Variants in ATXN7L1 observed in about 807,000 individuals in gnomAD.
ATXN7L1 encodes ataxin 7 like 1.
ATXN7L1 carries 15 observed loss-of-function variants against 70.8 expected under a neutral mutation model. The observed-to-expected ratio is 0.21, with a 90% CI of 0.14 to 0.33. ATXN7L1 has a LOEUF of 0.33. ATXN7L1 is among the 10% of genes least tolerant of loss of function. ATXN7L1 has a pLI of 1.00. For missense variants in ATXN7L1, 975 were observed against 1,097.1 expected, an observed-to-expected ratio of 0.89 and a Z score of 1.57; for synonymous variants, 440 against 445.1, an observed-to-expected ratio of 0.99 and a Z score of 0.14.
At chr7:105,865,432 C>T (rs867801924) in intron 2 of ATXN7L1, among the ~76,000 whole-genome samples, 5 of 150,686 alleles carry the variant, frequency 3.3e-5, no homozygotes, top group African/African-American at 4.9e-5. Flanking sequence ...GACAGAGTCT[C>T]GCTGTGTTGC....
At chr7:105,664,563 A>ATGTGTGTGTGTGTGTG (rs201514886) in intron 4 of ATXN7L1, among the ~76,000 whole-genome samples, 5,477 of 131,832 alleles carry the variant, frequency 0.042, 284 homozygotes, top group East Asian at 0.12. Flanking sequence ...TATATATATT[A>ATGTGTGTGTGTGTGTG]TGTATGTGTG....
At chr7:105,688,441 G>C (rs1163382893) in intron 3 of ATXN7L1, among the ~76,000 whole-genome samples, 1 of 152,172 alleles carries the variant, frequency 6.6e-6, no homozygotes, top group Non-Finnish European at 1.5e-5. Flanking sequence ...TACTTGGGAG[G>C]GTGAGGTGGG....
At position 105,639,505 on chromosome 7, in the gene ATXN7L1, T is replaced by A; in HGVS notation, c.927A>T (p.Thr309=). The A allele has an allele frequency of 6.4e-7, 1 of 1,551,004 alleles. No homozygotes were observed. Among genetic ancestry groups the A allele is most frequent in the Non-Finnish European group, 8.7e-7 (1 of 1,146,348 alleles). The stretch of plus-strand genomic sequence containing the variant: ...GAAATACCTTGCAGGTGAGGGATCT[T>A]GTGCAAGGTTTCTTTGTCTCGGGAT... ...VLDPETKKPC[T]RSLTCKTHSL... is the part of the protein sequence containing the mutation. Residue 309 remains threonine, a synonymous_variant, in exon 6 of 12, where the codon ACA becomes ACT. Coordinates refer to ENST00000419735, the MANE Select transcript of ATXN7L1 (RefSeq NM_020725.2).
chr7:105,733,841 C>CCAT (rs1563049650), intron 3 of ATXN7L1, among the ~76,000 whole-genome samples: 2 of 52,972 alleles, frequency 3.8e-5, no homozygotes, highest in African/African-American at 1.5e-4. Flanking sequence ...CATCCGTCCA[C>CCAT]CCATCCATCC....
chr7:105,762,265 G>C (rs1800651890), intron 3 of ATXN7L1, among the ~76,000 whole-genome samples: 1 of 152,160 alleles, frequency 6.6e-6, no homozygotes, highest in Non-Finnish European at 1.5e-5. Context: ...TTTACTCCTT[G>C]ACACCCTTCT....
chr7:105,760,511 C>T (rs1800402626), intron 3 of ATXN7L1: 1 of 985,840 alleles, frequency 1.0e-6, no homozygotes, highest in Non-Finnish European at 1.2e-6. Context: ...TCTCAACTAG[C>T]CTCACTGTTC....
intron 4 of ATXN7L1, among the ~76,000 whole-genome samples, chr7:105,647,623 G>T (rs1303913063): frequency 6.6e-6 from 1 of 152,242 alleles, no homozygotes; most frequent in Non-Finnish European, 1.5e-5. Context: ...CTCCAGCTTG[G>T]CAACAGAGCG....
At chr7:105,796,197 T>C (rs924970466) in intron 2 of ATXN7L1, among the ~76,000 whole-genome samples, 3 of 152,106 alleles carry the variant, frequency 2.0e-5, no homozygotes, top group African/African-American at 7.2e-5. Flanking sequence ...ATCCCATCCC[T>C]ACTAAAAATA....
At chr7:105,730,158 A>C (rs918915142) in intron 3 of ATXN7L1, among the ~76,000 whole-genome samples, 1 of 152,184 alleles carries the variant, frequency 6.6e-6, no homozygotes, top group Non-Finnish European at 1.5e-5. Context: ...AAACTTGACA[A>C]ATACTGCCTC....
At chr7:105,639,663 CCAA>C (rs1797887409) in intron 5 of ATXN7L1, 94 bp from the exon 6 acceptor site, 1 of 850,254 alleles carries the variant, frequency 1.2e-6, no homozygotes, top group Non-Finnish European at 1.8e-6. Context: ...CACATTTGCA[CCAA>C]CAAGTGAGAC....
intron 8 of ATXN7L1, 65 bp downstream of exon 8, chr7:105,624,010 T>C (rs180705596): frequency 3.8e-4 from 497 of 1,290,928 alleles, no homozygotes; most frequent in Non-Finnish European, 4.6e-4. Flanking sequence ...GCCTCTGGTA[T>C]GATCACCTAA....
chr7:105,839,347 A>G (rs927785673), intron 2 of ATXN7L1, among the ~76,000 whole-genome samples: 5 of 152,046 alleles, frequency 3.3e-5, no homozygotes, highest in Non-Finnish European at 7.4e-5. Flanking sequence ...TCCAAATCCA[A>G]CCCTGGGCTT....
At chr7:105,694,688 A>G (rs1195532269) in intron 3 of ATXN7L1, among the ~76,000 whole-genome samples, 1 of 152,240 alleles carries the variant, frequency 6.6e-6, no homozygotes, top group Non-Finnish European at 1.5e-5. Context: ...TTTCACAGAC[A>G]AGTAAACTGG....
At chr7:105,647,277 G>A (rs1425052967) in intron 4 of ATXN7L1, among the ~76,000 whole-genome samples, 2 of 152,184 alleles carry the variant, frequency 1.3e-5, no homozygotes, top group African/African-American at 4.8e-5. Flanking sequence ...GTAGATGTTA[G>A]GTCCTCAGGC....
In ATXN7L1 at chr7:105,638,421, C is replaced by G. The variant is rs1294350727; in HGVS notation, c.1134G>C (p.Gly378=). The change falls in exon 7 of 12, where the codon GGG becomes GGC. Residue 378 remains glycine, a synonymous_variant. Coordinates refer to ENST00000419735, the MANE Select transcript of ATXN7L1 (RefSeq NM_020725.2). The stretch of plus-strand genomic sequence containing the variant: ...CAACTTTTGGTTCTGGCCCAGAGCT[C>G]CCTGAAGACCCTAGCAGAGAATCCT... ...PAQDSLLGSS[G]SSGPEPKVAS... 6.4e-7 allele frequency: 1 copy of G among 1,552,234 alleles called. No individual in the cohort carries two copies. Among genetic ancestry groups the G allele is most frequent in the Non-Finnish European group, 8.7e-7 (1 of 1,147,124 alleles).
At chr7:105,616,656 C>T (rs1168498990) in intron 9 of ATXN7L1, among the ~76,000 whole-genome samples, 2 of 152,160 alleles carry the variant, frequency 1.3e-5, no homozygotes, top group Non-Finnish European at 2.9e-5. Flanking sequence ...CAGGTGGATT[C>T]TCAGCAGCAC....
intron 2 of ATXN7L1, among the ~76,000 whole-genome samples, chr7:105,821,764 G>A (rs771523709): frequency 3.9e-5 from 6 of 152,258 alleles, no homozygotes; most frequent in African/African-American, 1.2e-4. Flanking sequence ...GGGATCACAC[G>A]TGGCACACCT....
chr7:105,830,033 A>T (rs1327833040), intron 2 of ATXN7L1, among the ~76,000 whole-genome samples: 1 of 152,160 alleles, frequency 6.6e-6, no homozygotes, highest in African/African-American at 2.4e-5. Flanking sequence ...GGCTCACTCA[A>T]AGCTAATAGT....
At chr7:105,772,414 A>G (rs1273480905) in intron 3 of ATXN7L1, among the ~76,000 whole-genome samples, 4 of 152,214 alleles carry the variant, frequency 2.6e-5, no homozygotes, top group African/African-American at 7.2e-5. Context: ...ACTGCTTTAC[A>G]AGAGAGACAC....
Sources: gnomAD v4.1 joint callset for allele counts (sites outside exome capture counted in the v4.1 genomes callset) on GRCh38, gnomAD v4.1.1 for gene constraint, MANE v1.5 for transcripts, NCBI Gene and HGNC (gene_info 2026-07-23, HGNC 2026-07-21) for gene names.